ERC2: variants seen among roughly 807,000 people sequenced by gnomAD.
ERC2 encodes the protein ERC protein 2.
ERC2 carries 42 observed loss-of-function variants against 114.8 expected under a neutral mutation model. The observed-to-expected ratio is 0.37, with a 90% CI of 0.29 to 0.47. The LOEUF is 0.47. ERC2 is among the 20% of genes least tolerant of loss of function. The probability of loss-of-function intolerance (pLI) is 0.99; values close to 1 mark genes in which losing one functional copy is unlikely to be tolerated. For missense variants in ERC2, 939 were observed against 1,150.7 expected (o/e 0.82, Z 2.66); for synonymous variants, 454 against 425.5 (o/e 1.07, Z -0.82).
intron 4 of ERC2, among the ~76,000 whole-genome samples, chr3:56,162,541 T>C (rs2082105028): frequency 6.6e-6 from 1 of 152,188 alleles, no homozygotes; most frequent in African/African-American, 2.4e-5. Flanking sequence ...TTTTTGTTAC[T>C]TATTCAATTT....
intron 2 of ERC2, among the ~76,000 whole-genome samples, chr3:56,383,633 A>G (rs985833954): frequency 6.6e-6 from 1 of 152,012 alleles, no homozygotes; most frequent in African/African-American, 2.4e-5. Flanking sequence ...AGAACTAGGG[A>G]TTTAATCTCA....
chr3:56,203,343 C>T (rs1036467180), intron 3 of ERC2, among the ~76,000 whole-genome samples: 1 of 152,172 alleles, frequency 6.6e-6, no homozygotes, highest in East Asian at 1.9e-4. Context: ...GATTTTTCGT[C>T]CACTTTTGTA....
intron 3 of ERC2, among the ~76,000 whole-genome samples, chr3:56,262,964 T>C (rs939686367): frequency 2.9e-4 from 44 of 152,148 alleles, no homozygotes; most frequent in African/African-American, 2.4e-5. Context: ...AATACCCACA[T>C]AGAAACTGGC....
chr3:55,684,066 T>C (rs369441925), intron 16 of ERC2, among the ~76,000 whole-genome samples: 7 of 152,212 alleles, frequency 4.6e-5, no homozygotes, highest in Non-Finnish European at 2.9e-5. Flanking sequence ...TTTGTATCTA[T>C]GGCAACCCAC....
chr3:56,263,173 G>C (rs1181811729), intron 3 of ERC2, among the ~76,000 whole-genome samples: 1 of 151,938 alleles, frequency 6.6e-6, no homozygotes, highest in Non-Finnish European at 1.5e-5. Context: ...ATTCACTTTT[G>C]ATTTTCTCAC....
chr3:55,670,178 G>A (rs2061502714), intron 17 of ERC2, among the ~76,000 whole-genome samples: 1 of 152,188 alleles, frequency 6.6e-6, no homozygotes, highest in African/African-American at 2.4e-5. Context: ...TAAATATTGT[G>A]CCCAAGGTCA....
chr3:56,167,005 T>C (rs905787445), intron 4 of ERC2, among the ~76,000 whole-genome samples: 1 of 152,108 alleles, frequency 6.6e-6, no homozygotes, highest in Non-Finnish European at 1.5e-5. Flanking sequence ...AACTGAATGA[T>C]TTGCTCTGCC....
chr3:55,625,840 A>G (rs2059502407), intron 17 of ERC2, among the ~76,000 whole-genome samples: 1 of 152,204 alleles, frequency 6.6e-6, no homozygotes, highest in Non-Finnish European at 1.5e-5. Flanking sequence ...CAACACAAAG[A>G]CTTAAACCGA....
chr3:55,509,222 T>C lies in ERC2; in HGVS notation c.*2094A>G, dbSNP rs1182452094. ...GCACATACATAGAAATAGCTAGCTA[T>C]ACATGGGTTGGTTTTTTTTTTCTGT... On this transcript the variant is annotated 3_prime_UTR_variant, in exon 18 of 18. Transcript: ENST00000288221. 2 of 152,184 alleles carry C rather than the reference T, an allele frequency of 1.3e-5. No individual in the cohort carries two copies. Among genetic ancestry groups the C allele is most frequent in the Non-Finnish European group, 2.9e-5 (2 of 68,034 alleles). 9.4% of individuals were successfully genotyped at this position (152,184 alleles called of 1,614,324 possible). A position where few individuals can be genotyped will look rare whatever the true frequency, so the allele number is the denominator to read the frequency against.
chr3:56,046,910 T>C (rs2149675098), intron 7 of ERC2, among the ~76,000 whole-genome samples: 1 of 152,326 alleles, frequency 6.6e-6, no homozygotes, highest in East Asian at 1.9e-4. Context: ...TTACAGCACA[T>C]GCAGAATTTA....
intron 11 of ERC2, among the ~76,000 whole-genome samples, chr3:55,990,728 T>C (rs771582318): frequency 6.6e-6 from 1 of 152,178 alleles, no homozygotes; most frequent in Non-Finnish European, 1.5e-5. Context: ...GATAATTTAT[T>C]TGTTTTAGCA....
intron 13 of ERC2, among the ~76,000 whole-genome samples, chr3:55,893,375 G>A (rs924940512): frequency 2.0e-5 from 3 of 152,126 alleles, no homozygotes. Context: ...ATTGAGGTCT[G>A]TCTCTACAGT....
At position 55,796,529 on chromosome 3, in the gene ERC2, G is replaced by A. The variant is rs149685506; in HGVS notation, c.2565-61611C>T. 3.6e-3 allele frequency among the ~76,000 whole-genome samples: 547 copies of A among 152,242 alleles called. 3 individuals carry two copies. The highest frequency in any genetic ancestry group is 7.6e-3 in the Admixed American group (116 of 15,300). On this transcript the variant is annotated intron_variant, in intron 14 of 17. Transcript: ENST00000288221. ...CAACCTCTGCCCCCTGGGTTCAAGCGATTCTCCTGCCTCAGCCTCCCAAGT... is the reference window on the plus strand; with the variant it reads ...CAACCTCTGCCCCCTGGGTTCAAGCAATTCTCCTGCCTCAGCCTCCCAAGT...
intron 17 of ERC2, among the ~76,000 whole-genome samples, chr3:55,646,381 G>C (rs1158301387): frequency 6.6e-6 from 1 of 152,098 alleles, no homozygotes; most frequent in African/African-American, 2.4e-5. Flanking sequence ...ACACTGTTTT[G>C]ACTGATGTAG....
intron 3 of ERC2, among the ~76,000 whole-genome samples, chr3:56,191,417 A>T (rs1291008055): frequency 6.6e-6 from 1 of 152,072 alleles, no homozygotes; most frequent in Non-Finnish European, 1.5e-5. Context: ...CCTAATATCC[A>T]TCACCAAGTG....
At chr3:55,668,940 A>G (rs768210548) in intron 17 of ERC2, among the ~76,000 whole-genome samples, 9 of 152,222 alleles carry the variant, frequency 5.9e-5, no homozygotes, top group Non-Finnish European at 1.0e-4. Context: ...ACTAACTGCT[A>G]AACAGGTAAG....
At chr3:56,344,443 C>T (rs2058227513) in intron 2 of ERC2, among the ~76,000 whole-genome samples, 1 of 152,136 alleles carries the variant, frequency 6.6e-6, no homozygotes, top group African/African-American at 2.4e-5. Flanking sequence ...GCCCTCAGGT[C>T]TGTCTTTAAT....
chr3:55,542,352 G>C (rs2054455110), intron 17 of ERC2, among the ~76,000 whole-genome samples: 1 of 152,168 alleles, frequency 6.6e-6, no homozygotes, highest in South Asian at 2.1e-4. Context: ...TGCCATGGCT[G>C]CCTGGAGAAC....
At chr3:56,364,527 A>G (rs1432925092) in intron 2 of ERC2, among the ~76,000 whole-genome samples, 1 of 152,242 alleles carries the variant, frequency 6.6e-6, no homozygotes, top group Non-Finnish European at 1.5e-5. Context: ...TTACAAATGT[A>G]CAATATGTAC....
Sources: gnomAD v4.1 joint callset for allele counts (sites outside exome capture counted in the v4.1 genomes callset) on GRCh38, gnomAD v4.1.1 for gene constraint, MANE v1.5 for transcripts, NCBI Gene and HGNC (gene_info 2026-07-23, HGNC 2026-07-21) for gene names.